SRC: variants seen among roughly 807,000 people sequenced by gnomAD.
SRC encodes SRC proto-oncogene, non-receptor tyrosine kinase.
A neutral mutation model predicts 62.9 loss-of-function variants in SRC; 13 were observed. That is an observed-to-expected ratio of 0.21 (90% CI 0.13 to 0.33). The LOEUF (loss-of-function observed/expected upper bound fraction) is 0.33, where lower values mean the gene tolerates loss of function less well. Ranked by LOEUF, SRC falls within the 10% of genes least tolerant of loss-of-function variation. The pLI, the probability that SRC is intolerant of heterozygous loss-of-function variation, is 1.00. For synonymous variants in SRC, 302 were observed against 317.5 expected (o/e 0.95, Z 0.52); for missense variants, 457 against 737.3 (o/e 0.62, Z 4.40).
intron 1 of SRC, among the ~76,000 whole-genome samples, chr20:37,359,152 G>A (rs2069928226): frequency 6.6e-6 from 1 of 152,244 alleles, no homozygotes; most frequent in African/African-American, 2.4e-5. Flanking sequence ...CACAGTGGTG[G>A]GGCATAGGCT....
chr20:37,360,975 A>T lies in SRC; in HGVS notation c.-246-4229A>T, dbSNP rs947548887. Among the ~76,000 whole-genome samples the T allele has an allele frequency of 2.6e-5, 4 of 152,184 alleles. No homozygotes were observed. The South Asian group carries it at 8.3e-4, about 32-fold the overall frequency. On this transcript the variant is annotated intron_variant, in intron 1 of 13. Transcript: ENST00000373578. ...TTGAATCCTGGTAGTCTAGCTCTTA[A>T]TCCCTATGTGGTGGAGGCTACATTA...
chr20:37,371,063 A>G (rs1249792124), intron 2 of SRC, among the ~76,000 whole-genome samples: 5 of 143,162 alleles, frequency 3.5e-5, no homozygotes, highest in African/African-American at 1.3e-4. Flanking sequence ...ATCTCGGCCC[A>G]CCTCAACCTC....
At position 37,384,306 on chromosome 20, in the gene SRC, C is replaced by A; in HGVS notation, c.153C>A (p.Ser51Arg). 8 of 1,474,328 alleles carry A rather than the reference C, an allele frequency of 5.4e-6. No individual in the cohort carries two copies. The highest frequency in any genetic ancestry group is 5.4e-6 in the Non-Finnish European group (6 of 1,119,462). The allele number at this position is 1,474,328 out of a possible 1,614,324, so 91.3% of individuals were successfully genotyped here. A position where few individuals can be genotyped will look rare whatever the true frequency, so the allele number is the denominator to read the frequency against. Reference protein sequence around the residue: ...PASADGHRGPSAAFAPAAAEP... With the variant: ...PASADGHRGPRAAFAPAAAEP... The stretch of plus-strand genomic sequence containing the variant: ...CGGCCGACGGCCACCGCGGCCCCAG[C>A]GCGGCCTTCGCCCCCGCGGCCGCCG... The change falls in exon 4 of 14, where the codon AGC becomes AGA. Residue 51 changes from serine to arginine, a missense_variant. By Grantham distance (110) the Ser-to-Arg change is moderately radical. Around this residue, in one of 4 missense-constraint regions of SRC, gnomAD observed 132 missense variants for 135.4 expected, o/e 0.98. Coordinates refer to ENST00000373578, the MANE Select transcript of SRC (RefSeq NM_198291.3). This position sits in a 1 kb window ranked among gnomAD's most constrained non-coding sequence, Gnocchi z 6.7.
At chr20:37,401,799 A>C (rs574488291) in intron 11 of SRC, 121 bp downstream of exon 11, 1 of 637,604 alleles carries the variant, frequency 1.6e-6, no homozygotes, top group Admixed American at 3.2e-5. Context: ...TTGCCTCCAC[A>C]CTCACTGATC....
chr20:37,369,683 G>A (rs2070130416), intron 2 of SRC, among the ~76,000 whole-genome samples: 3 of 152,152 alleles, frequency 2.0e-5, no homozygotes, highest in Admixed American at 6.5e-5. Flanking sequence ...TTGAATAGAA[G>A]TGGTGAGGGT....
chr20:37,385,097 C>G (rs1487975263), intron 4 of SRC, among the ~76,000 whole-genome samples: 1 of 152,224 alleles, frequency 6.6e-6, no homozygotes, highest in South Asian at 2.1e-4. Context: ...TACCCAGATA[C>G]AAACTCACAT....
At chr20:37,385,475 C>T (rs1029206596) in intron 4 of SRC, among the ~76,000 whole-genome samples, 14 of 148,710 alleles carry the variant, frequency 9.4e-5, no homozygotes, top group South Asian at 4.4e-4. Context: ...TTAGAAGGGG[C>T]GCTGCTGCGA....
rs1041041342 is a variant in SRC, at chr20:37,402,126, C to G, written c.1117-309C>G. The G allele has an allele frequency of 5.3e-6, 2 of 375,740 alleles. No individual in the cohort carries two copies. The highest frequency in any genetic ancestry group is 9.6e-6 in the Non-Finnish European group (2 of 208,330). 23.3% of individuals were successfully genotyped at this position (375,740 alleles called of 1,614,324 possible). ...CTTGGGCAGCAGGCAGGACCTGGCA[C>G]TCATCTGTGTCTGGGTCCGCTGGGG... On this transcript the variant is annotated intron_variant, in intron 11 of 13. Transcript: ENST00000373578. The surrounding 1 kb of genome is among the most constrained non-coding windows in gnomAD (Gnocchi z 6.2).
chr20:37,362,361 G>C (rs983833648), intron 1 of SRC, among the ~76,000 whole-genome samples: 1 of 152,072 alleles, frequency 6.6e-6, no homozygotes, highest in Non-Finnish European at 1.5e-5. Flanking sequence ...GCTCCTGGCC[G>C]CACAGTGATT....
chr20:37,357,147 G>A (rs543627677), intron 1 of SRC, among the ~76,000 whole-genome samples: 20 of 152,348 alleles, frequency 1.3e-4, no homozygotes, highest in Admixed American at 4.6e-4. Context: ...TTTGTGGAGG[G>A]CGGATGGAGC....
rs775965614 is a variant in SRC at position 37,397,688 on chromosome 20, C to T, written c.704-11C>T. ...AGACCCGCCTAACTGCTCCTCCTGC[C>T]TCCTCCTCAGAACACGCCGATGGCC... On this transcript the variant is annotated splice_polypyrimidine_tract_variant and intron_variant, in intron 8 of 13. Transcript: ENST00000373578. This position sits in a 1 kb window ranked among gnomAD's most constrained non-coding sequence, Gnocchi z 4.1. 5.8e-6 allele frequency: 9 copies of T among 1,551,430 alleles called. No individual in the cohort carries two copies. The South Asian group carries it at 1.1e-4, about 19-fold the overall frequency.
intron 5 of SRC, among the ~76,000 whole-genome samples, chr20:37,389,522 C>T (rs1375937965): frequency 6.6e-6 from 1 of 152,210 alleles, no homozygotes; most frequent in Non-Finnish European, 1.5e-5. Context: ...CCATGTGCTC[C>T]AGGTCTTGGG....
rs117658365 is a variant in SRC, at chr20:37,362,212, C to T, written c.-246-2992C>T. 1.4e-4 allele frequency among the ~76,000 whole-genome samples: 21 copies of T among 151,898 alleles called. No homozygotes were observed. The East Asian group carries it at 1.9e-3, about 14-fold the overall frequency. On this transcript the variant is annotated intron_variant, in intron 1 of 13. Coordinates refer to ENST00000373578, the MANE Select transcript of SRC (RefSeq NM_198291.3). ...TGGAACTCTTGGGCACCACCATGAC[C>T]GGTTACATTTTTTTTCTATTTTTTT...
At position 37,389,151 on chromosome 20, in the gene SRC, C is replaced by T. The variant is rs570176881; in HGVS notation, c.350+2977C>T. Among the ~76,000 whole-genome samples the T allele has an allele frequency of 2.0e-5, 3 of 152,232 alleles. No individual in the cohort carries two copies. In the South Asian group the frequency reaches 6.2e-4, roughly 32 times the overall value. ...TCTTGCTGCCACATGGCCCTGGGTC[C>T]TGGTATTCTGGGTATTGTGTGGCCC... is the stretch of plus-strand genomic sequence containing the variant. On this transcript the variant is annotated intron_variant, in intron 5 of 13. Transcript: ENST00000373578.
At chr20:37,381,211 C>T (rs975587829) in intron 2 of SRC, among the ~76,000 whole-genome samples, 3 of 152,098 alleles carry the variant, frequency 2.0e-5, no homozygotes, top group Non-Finnish European at 2.9e-5. Context: ...ACCTTAGCTT[C>T]GTCTTAAAGG....
Position 37,400,301 on chromosome 20 carries a change from C to T in SRC, c.1039+7C>T. 2 of 1,602,802 alleles carry T rather than the reference C, an allele frequency of 1.2e-6. No homozygotes were observed. Among genetic ancestry groups the T allele is most frequent in the Non-Finnish European group, 1.7e-6 (2 of 1,172,254 alleles). ...ACGGAGTACATGAGCAAGGGTGAGT[C>T]CTGGGCGGCCGGGGCAGGGGGCAGG... On this transcript the variant is annotated splice_region_variant and intron_variant, in intron 10 of 13. Transcript: ENST00000373578.
At chr20:37,391,632 TC>T (rs1417196660) in intron 5 of SRC, among the ~76,000 whole-genome samples, 1 of 152,070 alleles carries the variant, frequency 6.6e-6, no homozygotes, top group African/African-American at 2.4e-5. Context: ...GGTGGGCAGA[TC>T]ACTTGAGGTC....
chr20:37,365,197 T>G lies in SRC; in HGVS notation c.-246-7T>G. 1 of 152,132 alleles carries G rather than the reference T, an allele frequency of 6.6e-6. No individual in the cohort carries two copies. The highest frequency in any genetic ancestry group is 1.9e-4 in the East Asian group (1 of 5,198). The allele number at this position is 152,132 out of a possible 1,614,324, so 9.4% of individuals were successfully genotyped here. ...GGATATTAATCCTATTGTCCCTCCC[T>G]TTACAGAACAGAGAACAGAAGCTCA... On this transcript the variant is annotated splice_polypyrimidine_tract_variant and splice_region_variant and intron_variant, in intron 1 of 13. Transcript: ENST00000373578.
chr20:37,401,756 T>C lies in SRC; in HGVS notation c.1116+78T>C, dbSNP rs905240957. The C allele has an allele frequency of 3.5e-5, 37 of 1,057,708 alleles. No homozygotes were observed. The African/African-American group carries it at 6.0e-4, about 17-fold the overall frequency. The allele number at this position is 1,057,708 out of a possible 1,614,324, so 65.5% of individuals were successfully genotyped here. ...CCATCTGGTGCAGCCAGTTCTGGCC[T>C]CTTGAGTGCCCCCTCCAAGAAGCCT... On this transcript the variant is annotated intron_variant, in intron 11 of 13. Transcript: ENST00000373578.
Sources: gnomAD v4.1 joint callset for allele counts (sites outside exome capture counted in the v4.1 genomes callset) on GRCh38, gnomAD v4.1.1 for gene constraint, gnomAD v4.1.1 regional missense constraint, Gnocchi (gnomAD v3.1) non-coding constraint, MANE v1.5 for transcripts, NCBI Gene and HGNC (gene_info 2026-07-23, HGNC 2026-07-21) for gene names.